The following SLC14A2 variants were observed in gnomAD, a reference collection of about 807,000 sequenced individuals.
SLC14A2 encodes solute carrier family 14 member 2.
Under a neutral mutation model 104.6 loss-of-function variants are expected in SLC14A2, and 91 were observed. The ratio of observed to expected loss-of-function variants is 0.87; its 90% CI spans 0.73 to 1.04. SLC14A2 has a LOEUF of 1.04. SLC14A2 is among the 50% of genes least tolerant of loss of function. SLC14A2 has a pLI of 0.00. For synonymous variants in SLC14A2, 476 were observed against 466.4 expected, an observed-to-expected ratio of 1.02 and a Z score of -0.27; for missense variants, 1,189 against 1,156.0, an observed-to-expected ratio of 1.03 and a Z score of -0.41.
intron 10 of SLC14A2, among the ~76,000 whole-genome samples, chr18:45,655,078 A>T (rs1301888898): frequency 6.6e-6 from 1 of 152,180 alleles, no homozygotes; most frequent in Non-Finnish European, 1.5e-5. Context: ...AAACACCAAT[A>T]GAACTGGGTT....
chr18:45,635,946 G>A (rs2045410762), intron 5 of SLC14A2, among the ~76,000 whole-genome samples: 1 of 152,186 alleles, frequency 6.6e-6, no homozygotes, highest in African/African-American at 2.4e-5. Context: ...AGATTTTGTG[G>A]GAAGAAAGCA....
chr18:45,568,810 C>T (rs1437480515), intron 2 of SLC14A2, among the ~76,000 whole-genome samples: 1 of 152,150 alleles, frequency 6.6e-6, no homozygotes, highest in Non-Finnish European at 1.5e-5. Context: ...GTTACTGCAG[C>T]ATAACCTAAC....
chr18:45,180,269 CTG>C, the SLC14A2 span, among the ~76,000 whole-genome samples: 12 of 152,314 alleles, frequency 7.9e-5, no homozygotes, highest in African/African-American at 2.9e-4. Flanking sequence ...GTTATTATCT[CTG>C]TGCCTCTGTT....
chr18:45,338,529 A>G (rs560233907), intron 1 of SLC14A2, among the ~76,000 whole-genome samples: 4 of 151,780 alleles, frequency 2.6e-5, no homozygotes, highest in East Asian at 1.9e-4. Context: ...AGCTGAACCA[A>G]TGTATACCTT....
At chr18:45,376,332 GTGTT>G (rs1226789554) in intron 1 of SLC14A2, among the ~76,000 whole-genome samples, 1 of 152,178 alleles carries the variant, frequency 6.6e-6, no homozygotes, top group Non-Finnish European at 1.5e-5. Flanking sequence ...TGCTCAGAAA[GTGTT>G]TGAGAAATGA....
chr18:45,582,443 T>A (rs2044506561), intron 2 of SLC14A2, among the ~76,000 whole-genome samples: 1 of 152,164 alleles, frequency 6.6e-6, no homozygotes, highest in East Asian at 1.9e-4. Flanking sequence ...TTTTTTCTAT[T>A]ATGTGCTCTT....
the SLC14A2 span, among the ~76,000 whole-genome samples, chr18:45,206,258 G>C: frequency 6.6e-6 from 1 of 152,146 alleles, no homozygotes; most frequent in Non-Finnish European, 1.5e-5. Flanking sequence ...CCTGAGGTTG[G>C]TGTAGTGGAA....
intron 1 of SLC14A2, among the ~76,000 whole-genome samples, chr18:45,469,860 A>C (rs2543004): frequency 1 from 151,649 of 152,262 alleles, 75,522 homozygotes; most frequent in Middle Eastern, 1. Context: ...GTAGGCAGGG[A>C]CACATTATAA....
intron 2 of SLC14A2, among the ~76,000 whole-genome samples, chr18:45,567,055 A>AGT (rs3058364): frequency 0.11 from 16,019 of 139,570 alleles, 928 homozygotes; most frequent in South Asian, 0.18. Flanking sequence ...ATGTGCACAT[A>AGT]GTGTGTGTGT....
chr18:45,674,957 T>C (rs2046202773), intron 18 of SLC14A2, among the ~76,000 whole-genome samples: 1 of 152,112 alleles, frequency 6.6e-6, no homozygotes, highest in Non-Finnish European at 1.5e-5. Context: ...GACAAAGAGG[T>C]GAAGTGGCTC....
intron 1 of SLC14A2, among the ~76,000 whole-genome samples, chr18:45,615,960 AG>A (rs980518262): frequency 6.6e-6 from 1 of 152,100 alleles, no homozygotes; most frequent in African/African-American, 2.4e-5. Flanking sequence ...TGGCCATGTT[AG>A]GGGTGGGTGT....
intron 1 of SLC14A2, among the ~76,000 whole-genome samples, chr18:45,388,891 A>G (rs897233142): frequency 2.0e-5 from 3 of 152,224 alleles, no homozygotes; most frequent in African/African-American, 2.4e-5. Context: ...GGCTTCTTCA[A>G]AGAAGGCACA....
At chr18:45,364,986 G>C (rs181786969) in intron 1 of SLC14A2, among the ~76,000 whole-genome samples, 1 of 152,128 alleles carries the variant, frequency 6.6e-6, no homozygotes, top group Non-Finnish European at 1.5e-5. Flanking sequence ...AGATTTTGGG[G>C]GGTCATAGAA....
chr18:45,561,026 C>G (rs922508206), intron 2 of SLC14A2, among the ~76,000 whole-genome samples: 19 of 152,118 alleles, frequency 1.2e-4, no homozygotes, highest in Non-Finnish European at 2.8e-4. Flanking sequence ...AAGATATAAG[C>G]AACAGCACAG....
intron 1 of SLC14A2, among the ~76,000 whole-genome samples, chr18:45,266,480 G>A (rs933018256): frequency 1.3e-5 from 2 of 152,036 alleles, no homozygotes; most frequent in East Asian, 1.9e-4. Flanking sequence ...AACTTCCATC[G>A]AGACAGAGTT....
Position 45,678,954 on chromosome 18 carries a change from C to CTTTTTTT in SLC14A2, c.2513-11_2513-5dup, listed in dbSNP as rs72437878. On this transcript the variant is annotated intron_variant, in intron 18 of 19. Transcript: ENST00000255226. ...TAAATAGTTACTGGTCTATTTCTTT[C>CTTTTTTT]TTTTTTTTTTTTTTTTCTAGCACTG... 1.8e-4 allele frequency: 257 copies of CTTTTTTT among 1,436,356 alleles called. 1 individual carries two copies. Among genetic ancestry groups the CTTTTTTT allele is most frequent in the East Asian group, 8.7e-4 (36 of 41,158 alleles). The allele number at this position is 1,436,356 out of a possible 1,614,324, so 89.0% of individuals were successfully genotyped here.
At chr18:45,327,097 G>A (rs1599677409) in intron 1 of SLC14A2, among the ~76,000 whole-genome samples, 1 of 152,140 alleles carries the variant, frequency 6.6e-6, no homozygotes, top group East Asian at 1.9e-4. Context: ...TCCTGGCAGT[G>A]GAGGGAGTGG....
the SLC14A2 span, among the ~76,000 whole-genome samples, chr18:45,174,251 A>G: frequency 1.3e-5 from 2 of 151,996 alleles, no homozygotes; most frequent in Non-Finnish European, 2.9e-5. Context: ...TAAGAATGAC[A>G]CTCACTCTGC....
At chr18:45,504,929 C>T (rs141385755) in intron 2 of SLC14A2, among the ~76,000 whole-genome samples, 131 of 152,122 alleles carry the variant, frequency 8.6e-4, no homozygotes, top group African/African-American at 3.0e-3. Flanking sequence ...AATAAGGCAC[C>T]CTTTCAAATA....
Sources: allele counts gnomAD v4.1 joint callset (sites outside exome capture counted in the v4.1 genomes callset), GRCh38; gene constraint gnomAD v4.1.1; transcripts MANE v1.5; gene names NCBI Gene and HGNC (gene_info 2026-07-23, HGNC 2026-07-21).